Variants in BCAS3 observed in about 807,000 individuals in gnomAD.
BCAS3 encodes the protein BCAS4/BCAS3 fusion.
A neutral mutation model predicts 116.1 loss-of-function variants in BCAS3; 53 were observed. The ratio of observed to expected loss-of-function variants is 0.46; its 90% CI spans 0.37 to 0.57. The LOEUF is 0.57. Ranked by LOEUF, BCAS3 falls within the 20% of genes least tolerant of loss-of-function variation. The pLI, the probability that BCAS3 is intolerant of heterozygous loss-of-function variation, is 0.00. For synonymous variants in BCAS3, 391 were observed against 408.2 expected (o/e 0.96, Z 0.51); for missense variants, 917 against 1,165.4 (o/e 0.79, Z 3.10).
At chr17:61,054,846 A>G (rs1383816758) in intron 19 of BCAS3, among the ~76,000 whole-genome samples, 1 of 152,116 alleles carries the variant, frequency 6.6e-6, no homozygotes, top group Non-Finnish European at 1.5e-5. Flanking sequence ...GAGAGTAAGC[A>G]TTTTTTCCAC....
rs1394253789 is a variant in BCAS3 at position 61,037,987 on chromosome 17, C to T, written c.1861C>T (p.Pro621Ser). The T allele has an allele frequency of 6.2e-7, 1 of 1,614,168 alleles. No homozygotes were observed. Among genetic ancestry groups the T allele is most frequent in the Non-Finnish European group, 8.5e-7 (1 of 1,180,036 alleles). The change falls in exon 18 of 24, where the codon CCC (proline) becomes TCC (serine). Residue 621 changes from proline (P) to serine (S), a missense_variant. Physicochemically the swap from Pro to Ser is moderately conservative, Grantham distance 74. Coordinates refer to ENST00000407086, the MANE Select transcript of BCAS3 (RefSeq NM_017679.5). The surrounding 1 kb of genome is among the most constrained non-coding windows in gnomAD (Gnocchi z 4.7). ...GGAGCCGCGACCCCTCAGCACTGCA[C>T]CCAAGATTAGTGACGACACACCACT... ...MMEPRPLSTA[P>S]KISDDTPLEM...
chr17:60,919,618 C>T (rs1364792307), intron 12 of BCAS3, among the ~76,000 whole-genome samples: 17 of 151,930 alleles, frequency 1.1e-4, no homozygotes, highest in African/African-American at 3.9e-4. Flanking sequence ...CCACCATGCC[C>T]GGCCCACTTC....
chr17:61,339,870 C>T lies in BCAS3; in HGVS notation c.2426-28457C>T, dbSNP rs954260019. Among the ~76,000 whole-genome samples the T allele has an allele frequency of 2.0e-5, 3 of 151,896 alleles. No homozygotes were observed. The highest frequency in any genetic ancestry group is 2.1e-4 in the South Asian group (1 of 4,798). On this transcript the variant is annotated intron_variant, in intron 22 of 23. Transcript: ENST00000407086. This position sits in a 1 kb window ranked among gnomAD's most constrained non-coding sequence, Gnocchi z 4.4. The stretch of plus-strand genomic sequence containing the variant: ...GGAAAACCAGGTGAGTGTGCTGTCC[C>T]GAAAGCCAAGTAGAGAGAGGGTCAA...
intron 6 of BCAS3, among the ~76,000 whole-genome samples, chr17:60,772,021 T>C (rs1163877043): frequency 6.6e-6 from 1 of 152,230 alleles, no homozygotes; most frequent in Non-Finnish European, 1.5e-5. Context: ...AACATACGTG[T>C]GCATGTGTCT....
chr17:60,928,455 T>C (rs2059476371), intron 13 of BCAS3, among the ~76,000 whole-genome samples: 1 of 152,228 alleles, frequency 6.6e-6, no homozygotes, highest in African/African-American at 2.4e-5. Context: ...TTTTTCAATG[T>C]GTTCTCATTT....
chr17:61,058,603 T>C (rs2069638463), intron 19 of BCAS3, among the ~76,000 whole-genome samples: 1 of 152,226 alleles, frequency 6.6e-6, no homozygotes. Flanking sequence ...AGAGGTATTA[T>C]AGTGTATGTA....
intron 14 of BCAS3, among the ~76,000 whole-genome samples, chr17:60,988,338 C>CTTTTTTTTTTTTTTTTTTTTTTTTTTTTT (rs71148317): frequency 4.5e-5 from 3 of 66,762 alleles, no homozygotes; most frequent in Admixed American, 2.0e-4. Flanking sequence ...TTTTCTTTTT[C>CTTTTTTTTTTTTTTTTTTTTTTTTTTTTT]TTTTTTTTTT....
rs995998541 is a variant in BCAS3, at chr17:61,315,251, A to G, written c.2426-53076A>G. Among the ~76,000 whole-genome samples, 6 of 152,080 alleles carry G rather than the reference A, an allele frequency of 3.9e-5. No homozygotes were observed. The highest frequency in any genetic ancestry group is 1.4e-4 in the African/African-American group (6 of 41,486). ...TGTCTCAGCCTCCCAAGTAGCTGGG[A>G]TTATAGGCGCCCACCACCACACCCG... On this transcript the variant is annotated intron_variant, in intron 22 of 23. Transcript: ENST00000407086. The surrounding 1 kb of genome is among the most constrained non-coding windows in gnomAD (Gnocchi z 5.3).
chr17:60,856,737 G>C lies in BCAS3; in HGVS notation c.477-11839G>C, dbSNP rs551191542. Among the ~76,000 whole-genome samples, 10 of 152,088 alleles carry C rather than the reference G, an allele frequency of 6.6e-5. No individual in the cohort carries two copies. In the South Asian group the frequency reaches 2.1e-3, roughly 32 times the overall value. On this transcript the variant is annotated intron_variant, in intron 7 of 23. Transcript: ENST00000407086. ...AGATTCATTTAGATGAAAATGTTTAGTGACTTCTTGTTGATTTTTGTCTTC... is the reference window on the plus strand; with the variant it reads ...AGATTCATTTAGATGAAAATGTTTACTGACTTCTTGTTGATTTTTGTCTTC...
At chr17:60,725,969 C>T (rs2039793009) in intron 5 of BCAS3, among the ~76,000 whole-genome samples, 5 of 152,180 alleles carry the variant, frequency 3.3e-5, no homozygotes, top group Admixed American at 1.3e-4. Context: ...GATCTTGGCT[C>T]ACTGCAGCCT....
rs2075967605 is a variant in BCAS3, at chr17:61,124,724, C to T, written c.2425+40160C>T. ...AGTTCATTTTCCATATATTACTCAG[C>T]ATTATGGGTCTGCCTGCCAAGTGAT... On this transcript the variant is annotated intron_variant, in intron 22 of 23. Transcript: ENST00000407086. This position sits in a 1 kb window ranked among gnomAD's most constrained non-coding sequence, Gnocchi z 4.6. Among the ~76,000 whole-genome samples the T allele has an allele frequency of 6.6e-6, 1 of 152,182 alleles. No individual in the cohort carries two copies. The highest frequency in any genetic ancestry group is 1.5e-5 in the Non-Finnish European group (1 of 68,030).
At chr17:60,947,105 C>T (rs1436324191) in intron 13 of BCAS3, 114 bp from the exon 14 acceptor site, 2 of 1,056,586 alleles carry the variant, frequency 1.9e-6, no homozygotes, top group African/African-American at 1.6e-5. Flanking sequence ...TTCTTATAGC[C>T]TTGGTAATTT....
intron 22 of BCAS3, among the ~76,000 whole-genome samples, chr17:61,195,017 G>C: frequency 6.6e-6 from 1 of 152,170 alleles, no homozygotes; most frequent in Non-Finnish European, 1.5e-5. Flanking sequence ...CCTTCTTTCT[G>C]ACAAGCTCTC....
chr17:60,811,799 G>T (rs544847266), intron 7 of BCAS3, among the ~76,000 whole-genome samples: 7 of 152,334 alleles, frequency 4.6e-5, no homozygotes, highest in African/African-American at 1.4e-4. Context: ...TATAATCCCA[G>T]CACTTTGGGA....
intron 6 of BCAS3, among the ~76,000 whole-genome samples, chr17:60,774,761 C>G (rs1197279241): frequency 1.3e-5 from 2 of 152,154 alleles, no homozygotes; most frequent in Admixed American, 1.3e-4. Context: ...CATCTCTGCC[C>G]TATTGGGCAA....
chr17:60,894,179 C>T (rs544747379), intron 10 of BCAS3, among the ~76,000 whole-genome samples: 30 of 152,090 alleles, frequency 2.0e-4, no homozygotes, highest in Admixed American at 5.9e-4. Flanking sequence ...CCAGTATGGT[C>T]ATTTAAATCA....
At chr17:60,776,844 C>T (rs2045340848) in intron 6 of BCAS3, among the ~76,000 whole-genome samples, 1 of 151,766 alleles carries the variant, frequency 6.6e-6, no homozygotes, top group South Asian at 2.1e-4. Context: ...AGAGAAACCC[C>T]ATCTCTACTA....
rs370243111 is a variant in BCAS3 at position 60,922,276 on chromosome 17, G to A, written c.994-2131G>A. Among the ~76,000 whole-genome samples the A allele has an allele frequency of 1.2e-3, 186 of 152,118 alleles. 1 individual carries two copies. The highest frequency in any genetic ancestry group is 3.5e-3 in the African/African-American group (147 of 41,506). On this transcript the variant is annotated intron_variant, in intron 12 of 23. Transcript: ENST00000407086. Reference sequence around the variant, plus strand: ...TGAGTAGCTGGGATTACAGGCACGCGCCACCATGTCCGGCTAATTTTTGTA... The same window carrying A: ...TGAGTAGCTGGGATTACAGGCACGCACCACCATGTCCGGCTAATTTTTGTA...
intron 22 of BCAS3, among the ~76,000 whole-genome samples, chr17:61,085,805 TCACA>T (rs2073045897): frequency 1.3e-5 from 2 of 152,218 alleles, no homozygotes; most frequent in Non-Finnish European, 2.9e-5. Context: ...TTTTTTATAG[TCACA>T]TTCTGAGAAT....
Sources: gnomAD v4.1 joint callset for allele counts (sites outside exome capture counted in the v4.1 genomes callset) on GRCh38, gnomAD v4.1.1 for gene constraint, Gnocchi (gnomAD v3.1) non-coding constraint, MANE v1.5 for transcripts, NCBI Gene and HGNC (gene_info 2026-07-23, HGNC 2026-07-21) for gene names.